PPP3CA: variants seen among roughly 807,000 people sequenced by gnomAD.
PPP3CA encodes the protein protein phosphatase 3 catalytic subunit alpha.
PPP3CA carries 14 observed loss-of-function variants against 66.5 expected under a neutral mutation model. That is an observed-to-expected ratio of 0.21 (90% CI 0.14 to 0.33). The LOEUF (loss-of-function observed/expected upper bound fraction) is 0.33. Ranked by LOEUF, PPP3CA falls within the 10% of genes least tolerant of loss-of-function variation. The pLI is 1.00. For synonymous variants in PPP3CA, 232 were observed against 226.2 expected, an observed-to-expected ratio of 1.03 and a Z score of -0.23; for missense variants, 317 against 639.5, an observed-to-expected ratio of 0.50 and a Z score of 5.44.
At position 101,325,915 on chromosome 4, in the gene PPP3CA, G is replaced by A. The variant is rs539665265; in HGVS notation, c.58+20824C>T. Among the ~76,000 whole-genome samples, 4 of 152,242 alleles carry A rather than the reference G, an allele frequency of 2.6e-5. No individual in the cohort carries two copies. In the South Asian group the frequency reaches 8.3e-4, roughly 32 times the overall value. On this transcript the variant is annotated intron_variant, in intron 1 of 13. Coordinates refer to ENST00000394854, the MANE Select transcript of PPP3CA (RefSeq NM_000944.5). The stretch of plus-strand genomic sequence containing the variant: ...CACTTTGGGGGGCTGAGGTTAGGCG[G>A]ATCACTTGAGGTCAGGAGTTCGAGA...
chr4:101,215,447 A>G (rs1725425080), intron 1 of PPP3CA, among the ~76,000 whole-genome samples: 1 of 150,500 alleles, frequency 6.6e-6, no homozygotes, highest in Non-Finnish European at 1.5e-5. Context: ...CCTCATTTCT[A>G]ATATTAGAAA....
intron 1 of PPP3CA, among the ~76,000 whole-genome samples, chr4:101,256,042 C>T (rs1378453355): frequency 6.6e-6 from 1 of 151,852 alleles, no homozygotes; most frequent in Non-Finnish European, 1.5e-5. Context: ...ACCAGTATCC[C>T]TAACAATTTA....
intron 2 of PPP3CA, among the ~76,000 whole-genome samples, chr4:101,156,321 A>G (rs1479580165): frequency 6.6e-6 from 1 of 152,218 alleles, no homozygotes; most frequent in African/African-American, 2.4e-5. Context: ...GAGAGATTAA[A>G]GAAACAGAAT....
chr4:101,029,468 A>AAAC (rs1394987026), intron 12 of PPP3CA, among the ~76,000 whole-genome samples: 1 of 152,112 alleles, frequency 6.6e-6, no homozygotes, highest in Non-Finnish European at 1.5e-5. Context: ...AATAAATAAC[A>AAAC]AACAACCCTT....
At chr4:101,164,760 T>C (rs1328746618) in intron 2 of PPP3CA, among the ~76,000 whole-genome samples, 3 of 152,046 alleles carry the variant, frequency 2.0e-5, no homozygotes, top group Non-Finnish European at 4.4e-5. Context: ...GATGAAAATA[T>C]AATGTCAGTA....
chr4:101,207,126 G>T (rs998940455), intron 1 of PPP3CA, among the ~76,000 whole-genome samples: 1 of 152,100 alleles, frequency 6.6e-6, no homozygotes, highest in African/African-American at 2.4e-5. Flanking sequence ...TAAATCTGTT[G>T]TTATTTATGA....
chr4:101,247,473 T>C (rs369870219), intron 1 of PPP3CA, among the ~76,000 whole-genome samples: 2 of 152,262 alleles, frequency 1.3e-5, no homozygotes, highest in African/African-American at 4.8e-5. Context: ...GTCTACTTCT[T>C]TGCCATCACA....
At chr4:101,309,526 A>G (rs1728654342) in intron 1 of PPP3CA, among the ~76,000 whole-genome samples, 1 of 152,178 alleles carries the variant, frequency 6.6e-6, no homozygotes, top group Non-Finnish European at 1.5e-5. Flanking sequence ...ACAGTTCCAT[A>G]AACTCATCTT....
chr4:101,127,617 G>C (rs1354091019), intron 2 of PPP3CA, among the ~76,000 whole-genome samples: 1 of 152,118 alleles, frequency 6.6e-6, no homozygotes, highest in Non-Finnish European at 1.5e-5. Context: ...CTGGCCTCCA[G>C]AACTGTGAGA....
intron 2 of PPP3CA, among the ~76,000 whole-genome samples, chr4:101,178,169 T>C (rs1487768932): frequency 6.6e-6 from 1 of 152,140 alleles, no homozygotes; most frequent in Non-Finnish European, 1.5e-5. Flanking sequence ...TTAGAGCCTA[T>C]GTCTGTTTTA....
intron 1 of PPP3CA, among the ~76,000 whole-genome samples, chr4:101,333,781 GCA>G (rs1465427632): frequency 5.9e-5 from 9 of 152,238 alleles, no homozygotes; most frequent in Admixed American, 5.2e-4. Flanking sequence ...AAAAATGAAA[GCA>G]CAGTCTATGA....
intron 2 of PPP3CA, among the ~76,000 whole-genome samples, chr4:101,119,303 A>C (rs189205507): frequency 6.6e-6 from 1 of 152,126 alleles, no homozygotes; most frequent in African/African-American, 2.4e-5. Flanking sequence ...ATATCTCTAA[A>C]TGGCTTTGGT....
intron 1 of PPP3CA, among the ~76,000 whole-genome samples, chr4:101,334,810 C>T (rs111302484): frequency 6.6e-6 from 1 of 152,018 alleles, no homozygotes; most frequent in African/African-American, 2.4e-5. Context: ...GGCCTTTCTT[C>T]CCCCCAGAGA....
chr4:101,146,461 T>A (rs892611596), intron 2 of PPP3CA, among the ~76,000 whole-genome samples: 8 of 151,904 alleles, frequency 5.3e-5, no homozygotes, highest in African/African-American at 1.4e-4. Flanking sequence ...TTTTTTTTTT[T>A]AAATGGAGTC....
At chr4:101,030,585 G>T (rs1726901464) in intron 12 of PPP3CA, among the ~76,000 whole-genome samples, 1 of 151,994 alleles carries the variant, frequency 6.6e-6, no homozygotes, top group African/African-American at 2.4e-5. Flanking sequence ...CAAACCAATG[G>T]ATTTAAAATA....
At chr4:101,310,543 G>A (rs1407771674) in intron 1 of PPP3CA, among the ~76,000 whole-genome samples, 1 of 152,072 alleles carries the variant, frequency 6.6e-6, no homozygotes, top group Non-Finnish European at 1.5e-5. Context: ...CAGGAGTGGT[G>A]TCACCCATAG....
intron 2 of PPP3CA, among the ~76,000 whole-genome samples, chr4:101,146,933 A>G (rs1318593639): frequency 6.6e-6 from 1 of 152,206 alleles, no homozygotes; most frequent in Non-Finnish European, 1.5e-5. Context: ...GTGCTCAAAA[A>G]GTTTCAAATT....
intron 2 of PPP3CA, among the ~76,000 whole-genome samples, chr4:101,156,470 C>T (rs559990174): frequency 4.4e-4 from 67 of 152,280 alleles, no homozygotes; most frequent in African/African-American, 1.4e-3. Context: ...CACCTGAAGT[C>T]GGGAGTTCGA....
At chr4:101,280,278 C>A (rs1727637639) in intron 1 of PPP3CA, among the ~76,000 whole-genome samples, 1 of 152,116 alleles carries the variant, frequency 6.6e-6, no homozygotes, top group South Asian at 2.1e-4. Context: ...GGAGACTAAG[C>A]CATGTGGGTA....
Sources: gnomAD v4.1 joint callset for allele counts (sites outside exome capture counted in the v4.1 genomes callset) on GRCh38, gnomAD v4.1.1 for gene constraint, MANE v1.5 for transcripts, NCBI Gene and HGNC (gene_info 2026-07-23, HGNC 2026-07-21) for gene names.